The following PPP1R9A variants were observed in gnomAD, a reference collection of about 807,000 sequenced individuals.
The protein encoded by PPP1R9A is neurabin-1.
PPP1R9A carries 59 observed loss-of-function variants against 141.9 expected under a neutral mutation model. That is an observed-to-expected ratio of 0.42 (90% CI 0.34 to 0.52). PPP1R9A has a LOEUF of 0.52. Among genes scored for constraint, PPP1R9A ranks in the 20% least tolerant of loss-of-function variants. The pLI, the probability that PPP1R9A is intolerant of heterozygous loss-of-function variation, is 0.10. For synonymous variants in PPP1R9A, 500 were observed against 569.7 expected (o/e 0.88, Z 1.74); for missense variants, 1,444 against 1,611.9 (o/e 0.90, Z 1.78).
intron 5 of PPP1R9A, among the ~76,000 whole-genome samples, chr7:95,185,378 A>ATTTTTTTT (rs147366122): frequency 1.3e-5 from 2 of 148,894 alleles, no homozygotes; most frequent in African/African-American, 4.9e-5. Flanking sequence ...TTTTTATGGG[A>ATTTTTTTT]TTTTTTTTTT....
intron 4 of PPP1R9A, among the ~76,000 whole-genome samples, chr7:95,145,754 G>A (rs1312710728): frequency 6.6e-6 from 1 of 152,044 alleles, no homozygotes; most frequent in Non-Finnish European, 1.5e-5. Context: ...TGTGGTGTTT[G>A]GTTTTCTGTT....
At chr7:95,067,159 C>T (rs1254765152) in intron 2 of PPP1R9A, among the ~76,000 whole-genome samples, 1 of 152,168 alleles carries the variant, frequency 6.6e-6, no homozygotes, top group Non-Finnish European at 1.5e-5. Flanking sequence ...TATGTTTTGT[C>T]TGCTGTTTCT....
rs116148486 is a variant in PPP1R9A, at chr7:95,097,259, C to T, written c.1396-14000C>T. Among the ~76,000 whole-genome samples the T allele has an allele frequency of 2.2e-3, 339 of 152,298 alleles. 4 individuals carry two copies. The highest frequency in any genetic ancestry group is 7.6e-3 in the African/African-American group (314 of 41,568). On this transcript the variant is annotated intron_variant, in intron 2 of 19. Coordinates refer to ENST00000433360, the MANE Select transcript of PPP1R9A (RefSeq NM_001166160.2). The stretch of plus-strand genomic sequence containing the variant: ...CAGGCTGGTCCTGAACTCCTGATCT[C>T]AGGTGATGCGCCCACCTTGGCCTCC...
rs759803901 is a variant in PPP1R9A at position 94,911,303 on chromosome 7, T to C, written c.1190T>C (p.Met397Thr). ...AATTTTGATGGTTCCCATGTGTACA[T>C]GCACAGTGACTATAATGTGTATAGG... Reference protein sequence around the residue: ...SNNFDGSHVYMHSDYNVYRVR... With the variant: ...SNNFDGSHVYTHSDYNVYRVR... Residue 397 changes from methionine (M) to threonine (T), a missense_variant, in exon 2 of 20, where the codon ATG (methionine) becomes ACG (threonine). Met to Thr is a moderately conservative substitution (Grantham distance 81). Around this residue, in one of 5 missense-constraint regions of PPP1R9A, gnomAD observed 490 missense variants for 521.1 expected, o/e 0.94. Transcript: ENST00000433360. 5.0e-6 allele frequency: 8 copies of C among 1,614,160 alleles called. No homozygotes were observed. The East Asian group carries it at 6.7e-5, about 13-fold the overall frequency.
chr7:95,066,758 T>TA (rs1411394240), intron 2 of PPP1R9A, among the ~76,000 whole-genome samples: 1 of 151,938 alleles, frequency 6.6e-6, no homozygotes, highest in African/African-American at 2.4e-5. Context: ...CACAGAAACT[T>TA]AGAGAACAGA....
intron 2 of PPP1R9A, among the ~76,000 whole-genome samples, chr7:94,931,520 A>G (rs1413671258): frequency 6.6e-6 from 1 of 152,182 alleles, no homozygotes; most frequent in Non-Finnish European, 1.5e-5. Context: ...CATGATAATA[A>G]TGTAAATGCT....
chr7:95,016,205 A>G (rs796277513), intron 2 of PPP1R9A, among the ~76,000 whole-genome samples: 18 of 152,276 alleles, frequency 1.2e-4, no homozygotes, highest in African/African-American at 4.3e-4. Flanking sequence ...CTCATTGGAA[A>G]TCATGGGGGC....
intron 2 of PPP1R9A, among the ~76,000 whole-genome samples, chr7:94,939,670 A>G (rs759425771): frequency 3.4e-4 from 51 of 152,068 alleles, no homozygotes; most frequent in Middle Eastern, 3.4e-3. Flanking sequence ...AACATACACT[A>G]TGTACTTAGC....
intron 2 of PPP1R9A, among the ~76,000 whole-genome samples, chr7:95,079,519 A>G (rs1476244995): frequency 6.6e-5 from 10 of 152,012 alleles, no homozygotes; most frequent in African/African-American, 2.2e-4. Flanking sequence ...TACAAGGAGG[A>G]ACTGGTACCA....
At chr7:95,162,074 C>A in intron 5 of PPP1R9A, 103 bp downstream of exon 5, 1 of 635,550 alleles carries the variant, frequency 1.6e-6, no homozygotes, top group Non-Finnish European at 2.6e-6. Context: ...GACAATTTTA[C>A]CTGAATAGTA....
intron 2 of PPP1R9A, among the ~76,000 whole-genome samples, chr7:95,000,634 A>G (rs1802792938): frequency 6.6e-6 from 1 of 152,164 alleles, no homozygotes; most frequent in Non-Finnish European, 1.5e-5. Flanking sequence ...GATAAAAGAT[A>G]GGGCATTTAG....
chr7:95,071,789 C>G (rs562137804), intron 2 of PPP1R9A, among the ~76,000 whole-genome samples: 1 of 151,728 alleles, frequency 6.6e-6, no homozygotes, highest in Non-Finnish European at 1.5e-5. Flanking sequence ...TTAGAAAATA[C>G]AGAAATAAAC....
chr7:95,039,011 A>C (rs573141670), intron 2 of PPP1R9A, among the ~76,000 whole-genome samples: 1 of 152,210 alleles, frequency 6.6e-6, no homozygotes, highest in Admixed American at 6.5e-5. Flanking sequence ...CTCATACCAA[A>C]AGCCCATGTA....
intron 10 of PPP1R9A, among the ~76,000 whole-genome samples, chr7:95,250,624 C>A (rs551486404): frequency 6.6e-6 from 1 of 152,298 alleles, no homozygotes; most frequent in African/African-American, 2.4e-5. Flanking sequence ...GGATGTGGAG[C>A]ACGCAAGCCA....
At chr7:95,056,039 T>G (rs1811454195) in intron 2 of PPP1R9A, among the ~76,000 whole-genome samples, 1 of 152,154 alleles carries the variant, frequency 6.6e-6, no homozygotes, top group Non-Finnish European at 1.5e-5. Context: ...ATTATAAAAA[T>G]TTCAAAAGCT....
In PPP1R9A at chr7:95,284,238, A is replaced by C. The variant is rs941189962; in HGVS notation, c.3517A>C (p.Lys1173Gln). 1.8e-5 allele frequency: 29 copies of C among 1,569,410 alleles called. No homozygotes were observed. The highest frequency in any genetic ancestry group is 2.3e-5 in the Non-Finnish European group (27 of 1,152,646). ...GSKVENTWIT[K>Q]ANKRNPNPSS... ...CAAGGTAGAAAACACATGGATTACA[A>C]AAGCAAACAAGAGAAACCCAAATCC... is the stretch of plus-strand genomic sequence containing the variant. Residue 1173 changes from lysine to glutamine, a missense_variant, in exon 17 of 20, where the codon AAA becomes CAA. Transcript: ENST00000433360.
intron 2 of PPP1R9A, among the ~76,000 whole-genome samples, chr7:94,918,920 C>A (rs755318839): frequency 6.6e-6 from 1 of 152,168 alleles, no homozygotes; most frequent in Non-Finnish European, 1.5e-5. Flanking sequence ...CAAATGCTAT[C>A]TGCCATTTTA....
chr7:95,096,772 T>C (rs1818076391), intron 2 of PPP1R9A, among the ~76,000 whole-genome samples: 1 of 152,200 alleles, frequency 6.6e-6, no homozygotes, highest in African/African-American at 2.4e-5. Flanking sequence ...ATTGGGTTCT[T>C]CTGTCTTACT....
intron 4 of PPP1R9A, among the ~76,000 whole-genome samples, chr7:95,151,036 A>G (rs1352151880): frequency 6.6e-6 from 1 of 152,260 alleles, no homozygotes; most frequent in African/African-American, 2.4e-5. Context: ...GTAGAGCAAT[A>G]AGGTGTCTCA....
Sources: gnomAD v4.1 joint callset for allele counts (sites outside exome capture counted in the v4.1 genomes callset) on GRCh38, gnomAD v4.1.1 for gene constraint, gnomAD v4.1.1 regional missense constraint, MANE v1.5 for transcripts, NCBI Gene and HGNC (gene_info 2026-07-23, HGNC 2026-07-21) for gene names.